Variants in MAN1C1 observed in about 807,000 individuals in gnomAD.
MAN1C1 encodes mannosidase alpha class 1C member 1.
In MAN1C1, 49 loss-of-function variants were observed where a neutral mutation model predicts 71.5. The observed-to-expected ratio is 0.69, with a 90% confidence interval of 0.54 to 0.87. MAN1C1 has a LOEUF of 0.87. MAN1C1 is among the 40% of genes least tolerant of loss of function. MAN1C1 has a pLI of 0.00. For missense variants in MAN1C1, 743 were observed against 835.0 expected, an observed-to-expected ratio of 0.89 and a Z score of 1.36; for synonymous variants, 352 against 343.7, an observed-to-expected ratio of 1.02 and a Z score of -0.27.
chr1:25,656,260 G>A (rs1011111474), intron 1 of MAN1C1, among the ~76,000 whole-genome samples: 3 of 151,554 alleles, frequency 2.0e-5, no homozygotes, highest in Admixed American at 6.6e-5. Flanking sequence ...ACCATGCCCC[G>A]CTAATTTTTT....
chr1:25,693,346 T>C (rs1480269480), intron 2 of MAN1C1, among the ~76,000 whole-genome samples: 1 of 152,158 alleles, frequency 6.6e-6, no homozygotes, highest in Non-Finnish European at 1.5e-5. Flanking sequence ...AAAATCTGCG[T>C]TGGCTGGGTC....
chr1:25,652,202 G>T (rs1465305061), intron 1 of MAN1C1, among the ~76,000 whole-genome samples: 1 of 152,218 alleles, frequency 6.6e-6, no homozygotes, highest in Non-Finnish European at 1.5e-5. Flanking sequence ...CGCATGTCAG[G>T]CCCTGAAGGC....
At chr1:25,745,787 C>T (rs1368682690) in intron 2 of MAN1C1, among the ~76,000 whole-genome samples, 1 of 152,024 alleles carries the variant, frequency 6.6e-6, no homozygotes, top group African/African-American at 2.4e-5. Context: ...GCCAGGCATT[C>T]GAGACCAGCC....
intron 1 of MAN1C1, among the ~76,000 whole-genome samples, chr1:25,679,929 C>T (rs1279473219): frequency 8.0e-6 from 1 of 125,444 alleles, no homozygotes; most frequent in African/African-American, 3.2e-5. Flanking sequence ...ACAGCAAGAC[C>T]TCTGTCTCAA....
At chr1:25,716,607 GC>G (rs1192909012) in intron 2 of MAN1C1, among the ~76,000 whole-genome samples, 1 of 152,164 alleles carries the variant, frequency 6.6e-6, no homozygotes, top group East Asian at 1.9e-4. Flanking sequence ...AAGCCACTGT[GC>G]CCGGCCCTCA....
chr1:25,767,781 AAC>A (rs1241368021), intron 7 of MAN1C1, among the ~76,000 whole-genome samples: 1 of 60,708 alleles, frequency 1.6e-5, no homozygotes, highest in South Asian at 6.4e-4. Flanking sequence ...ACACTCCCCT[AAC>A]ACACACGCAT....
intron 2 of MAN1C1, among the ~76,000 whole-genome samples, chr1:25,740,368 G>A (rs770201609): frequency 7.2e-5 from 11 of 152,262 alleles, no homozygotes; most frequent in Non-Finnish European, 1.6e-4. Context: ...TCAGTCAGAT[G>A]GGAGCCATGG....
intron 1 of MAN1C1, among the ~76,000 whole-genome samples, chr1:25,684,850 T>C (rs776969098): frequency 4.6e-5 from 7 of 152,100 alleles, no homozygotes; most frequent in Non-Finnish European, 1.0e-4. Flanking sequence ...ATACAAACAA[T>C]ATAACAGATT....
chr1:25,780,822 CCACACA>C, intron 9 of MAN1C1, 112 bp from the exon 10 acceptor site: 1 of 1,063,524 alleles, frequency 9.4e-7, no homozygotes. Context: ...CACCCCACAC[CCACACA>C]CACCTGACAT....
intron 4 of MAN1C1, among the ~76,000 whole-genome samples, chr1:25,749,770 C>G (rs929318067): frequency 4.6e-5 from 7 of 152,200 alleles, no homozygotes; most frequent in African/African-American, 1.7e-4. Context: ...ACCTGGGCTG[C>G]TTTTCACAAG....
At chr1:25,767,101 G>T (rs2047437682) in intron 7 of MAN1C1, among the ~76,000 whole-genome samples, 1 of 151,750 alleles carries the variant, frequency 6.6e-6, no homozygotes, top group Non-Finnish European at 1.5e-5. Context: ...TCATTCCTAT[G>T]CCTGTGCTTC....
At chr1:25,627,897 T>C (rs2045322794) in intron 1 of MAN1C1, among the ~76,000 whole-genome samples, 1 of 151,010 alleles carries the variant, frequency 6.6e-6, no homozygotes, top group African/African-American at 2.4e-5. Context: ...ACAAAAATTA[T>C]CCAGGCATGA....
In MAN1C1 at chr1:25,686,540, A is replaced by T; in HGVS notation, c.637+4A>T. Reference sequence around the variant, plus strand: ...GGCTACGAGGGTAACATGTTCGGTGAGTCGATTCAAACCACTTTGATATTG... The same window carrying T: ...GGCTACGAGGGTAACATGTTCGGTGTGTCGATTCAAACCACTTTGATATTG... On this transcript the variant is annotated splice_donor_region_variant and intron_variant, in intron 2 of 11. Transcript: ENST00000374332. 1 of 1,613,732 alleles carries T rather than the reference A, an allele frequency of 6.2e-7. No individual in the cohort carries two copies. The highest frequency in any genetic ancestry group is 8.5e-7 in the Non-Finnish European group (1 of 1,179,652).
At chr1:25,628,641 G>A (rs2045334280) in intron 1 of MAN1C1, among the ~76,000 whole-genome samples, 1 of 152,162 alleles carries the variant, frequency 6.6e-6, no homozygotes, top group South Asian at 2.1e-4. Context: ...TGGAGTGCAA[G>A]TGGTCTTTGG....
intron 1 of MAN1C1, among the ~76,000 whole-genome samples, chr1:25,672,827 G>A (rs2046010396): frequency 6.6e-6 from 1 of 152,192 alleles, no homozygotes; most frequent in African/African-American, 2.4e-5. Flanking sequence ...AGGCCCTGTG[G>A]CTGAAGCGTG....
intron 2 of MAN1C1, among the ~76,000 whole-genome samples, chr1:25,716,174 A>G (rs977714032): frequency 3.3e-5 from 5 of 152,178 alleles, no homozygotes; most frequent in African/African-American, 9.7e-5. Context: ...GAGGCTGGGA[A>G]ATGTAGTTTT....
At chr1:25,717,678 C>A (rs778122038) in intron 2 of MAN1C1, among the ~76,000 whole-genome samples, 1 of 151,080 alleles carries the variant, frequency 6.6e-6, no homozygotes, top group Non-Finnish European at 1.5e-5. Flanking sequence ...CGGGTTCAAG[C>A]GATTCTCCTC....
At chr1:25,629,549 C>A (rs891398832) in intron 1 of MAN1C1, among the ~76,000 whole-genome samples, 1 of 152,034 alleles carries the variant, frequency 6.6e-6, no homozygotes, top group Non-Finnish European at 1.5e-5. Flanking sequence ...GATTCTCCTA[C>A]CTCGGGATCA....
chr1:25,662,671 C>T (rs922790375), intron 1 of MAN1C1, among the ~76,000 whole-genome samples: 2 of 152,190 alleles, frequency 1.3e-5, no homozygotes, highest in African/African-American at 4.8e-5. Flanking sequence ...GTGGCTCACA[C>T]CTGTAATCCT....
Sources: gnomAD v4.1 joint callset for allele counts (sites outside exome capture counted in the v4.1 genomes callset) on GRCh38, gnomAD v4.1.1 for gene constraint, MANE v1.5 for transcripts, NCBI Gene and HGNC (gene_info 2026-07-23, HGNC 2026-07-21) for gene names.